The following NALCN variants were observed in gnomAD, a reference collection of about 807,000 sequenced individuals.
NALCN encodes the protein sodium leak channel, non-selective, also known as sodium leak channel NALCN.
NALCN carries 111 observed loss-of-function variants against 225.3 expected under a neutral mutation model. That is an observed-to-expected ratio of 0.49 (90% confidence interval 0.42 to 0.58). The LOEUF (loss-of-function observed/expected upper bound fraction) is 0.58, where lower values mean the gene tolerates loss of function less well. Among genes scored for constraint, NALCN ranks in the 20% least tolerant of loss-of-function variants. The pLI, the probability that NALCN is intolerant of heterozygous loss-of-function variation, is 0.00. For synonymous variants in NALCN, 764 were observed against 769.0 expected, an observed-to-expected ratio of 0.99 and a Z score of 0.11; for missense variants, 1,378 against 2,202.4, an observed-to-expected ratio of 0.63 and a Z score of 7.49.
intron 7 of NALCN, among the ~76,000 whole-genome samples, chr13:101,336,959 G>T (rs150535941): frequency 2.6e-5 from 4 of 152,036 alleles, no homozygotes; most frequent in African/African-American, 4.8e-5. Flanking sequence ...TCTTTTGCTT[G>T]CTAAGTTCTC....
intron 14 of NALCN, among the ~76,000 whole-genome samples, chr13:101,180,172 G>T (rs1207569875): frequency 6.7e-6 from 1 of 148,566 alleles, no homozygotes; most frequent in Non-Finnish European, 1.5e-5. Flanking sequence ...TTTTGTAGGG[G>T]CCCATTTAAT....
chr13:101,362,690 C>T (rs544493758), intron 6 of NALCN, among the ~76,000 whole-genome samples: 14 of 152,050 alleles, frequency 9.2e-5, no homozygotes, highest in South Asian at 4.1e-4. Context: ...AAGATCAGGA[C>T]GCCCATTTTC....
At chr13:101,355,867 A>G (rs2046043135) in intron 6 of NALCN, among the ~76,000 whole-genome samples, 1 of 152,232 alleles carries the variant, frequency 6.6e-6, no homozygotes, top group African/African-American at 2.4e-5. Context: ...CCACAGTGCA[A>G]TCAAATTAGA....
Position 101,062,037 on chromosome 13 carries a change from G to T in NALCN, c.4686C>A (p.Thr1562=), listed in dbSNP as rs778052102. 5.6e-6 allele frequency: 9 copies of T among 1,614,092 alleles called. No homozygotes were observed. The South Asian group carries it at 8.8e-5, about 16-fold the overall frequency. The change falls in exon 41 of 44, where the codon ACC becomes ACA. Residue 1562 remains threonine, a synonymous_variant. Coordinates refer to ENST00000251127, the MANE Select transcript of NALCN (RefSeq NM_052867.4). ...ELLAREQLEY[T]IEEEVAKQTI... ...TCTGCTTGGCCACCTCCTCCTCTATGGTGTACTCCAGCTGCTCCCTCGCCA... is the reference window on the plus strand; with the variant it reads ...TCTGCTTGGCCACCTCCTCCTCTATTGTGTACTCCAGCTGCTCCCTCGCCA...
intron 7 of NALCN, among the ~76,000 whole-genome samples, chr13:101,314,055 G>T (rs534545895): frequency 3.3e-5 from 5 of 150,414 alleles, no homozygotes; most frequent in African/African-American, 1.2e-4. Context: ...GCAAACTATC[G>T]CAAGGACAAA....
At chr13:101,140,215 G>A (rs1566328664) in intron 17 of NALCN, among the ~76,000 whole-genome samples, 1 of 152,122 alleles carries the variant, frequency 6.6e-6, no homozygotes, top group Non-Finnish European at 1.5e-5. Context: ...GGGATAAAAC[G>A]TGTTATTCCA....
chr13:101,116,640 A>T (rs768152991), intron 18 of NALCN: 10 of 450,210 alleles, frequency 2.2e-5, no homozygotes, highest in South Asian at 1.5e-4. Flanking sequence ...ATTTTCACTC[A>T]TTATAGAAAA....
intron 6 of NALCN, among the ~76,000 whole-genome samples, chr13:101,346,431 T>C (rs978456646): frequency 6.6e-6 from 1 of 152,132 alleles, no homozygotes; most frequent in East Asian, 1.9e-4. Context: ...CAATGTTGCA[T>C]GATGAAAATC....
At chr13:101,361,807 C>A (rs1161935699) in intron 6 of NALCN, among the ~76,000 whole-genome samples, 4 of 152,064 alleles carry the variant, frequency 2.6e-5, no homozygotes, top group Non-Finnish European at 5.9e-5. Flanking sequence ...ACATTATCTT[C>A]TTTTTGGGAA....
In NALCN at chr13:101,321,439, T is replaced by C. The variant is rs116279540; in HGVS notation, c.799+23827A>G. Among the ~76,000 whole-genome samples the C allele has an allele frequency of 4.6e-3, 694 of 152,322 alleles. 4 individuals are homozygous for C. Among genetic ancestry groups the C allele is most frequent in the African/African-American group, 0.016 (673 of 41,588 alleles). The stretch of plus-strand genomic sequence containing the variant: ...TGGCTAAAATTTACAAGTTTCATTA[T>C]ATCAAATATTGACATGCTAAGAGGA... On this transcript the variant is annotated intron_variant, in intron 7 of 43. Coordinates refer to ENST00000251127, the MANE Select transcript of NALCN (RefSeq NM_052867.4).
At chr13:101,339,766 A>G (rs558522510) in intron 7 of NALCN, among the ~76,000 whole-genome samples, 1 of 152,332 alleles carries the variant, frequency 6.6e-6, no homozygotes, top group South Asian at 2.1e-4. Context: ...ATCAAACTAG[A>G]AAATTCAATG....
chr13:101,061,474 C>T (rs1594117771), intron 41 of NALCN, among the ~76,000 whole-genome samples: 1 of 152,084 alleles, frequency 6.6e-6, no homozygotes, highest in East Asian at 1.9e-4. Context: ...TTCTACCTCC[C>T]AGGTTCAAGT....
At chr13:101,211,536 C>A (rs1225535536) in intron 13 of NALCN, among the ~76,000 whole-genome samples, 3 of 147,010 alleles carry the variant, frequency 2.0e-5, no homozygotes, top group Admixed American at 6.8e-5. Flanking sequence ...TGAGTCACCA[C>A]AAAAATAAAT....
At chr13:101,157,619 T>C (rs2037968616) in intron 15 of NALCN, among the ~76,000 whole-genome samples, 1 of 152,228 alleles carries the variant, frequency 6.6e-6, no homozygotes, top group Non-Finnish European at 1.5e-5. Flanking sequence ...CCCTAACTTT[T>C]TGGTCAACTT....
intron 13 of NALCN, among the ~76,000 whole-genome samples, chr13:101,204,564 T>G (rs1218946586): frequency 6.6e-6 from 1 of 152,120 alleles, no homozygotes; most frequent in Non-Finnish European, 1.5e-5. Context: ...CATCAGAACA[T>G]TATGCCTATT....
intron 3 of NALCN, among the ~76,000 whole-genome samples, chr13:101,393,264 C>G (rs1171482469): frequency 6.6e-6 from 1 of 152,164 alleles, no homozygotes; most frequent in Non-Finnish European, 1.5e-5. Flanking sequence ...CAGTGGATTA[C>G]CGTTTCCCAC....
intron 1 of NALCN, among the ~76,000 whole-genome samples, chr13:101,401,401 A>G (rs1298497529): frequency 6.6e-6 from 1 of 151,950 alleles, no homozygotes; most frequent in African/African-American, 2.4e-5. Context: ...GTGTAGATAC[A>G]ATCTTTTAGA....
intron 20 of NALCN, 59 bp from the exon 21 acceptor site, chr13:101,107,848 T>G: frequency 7.1e-7 from 1 of 1,406,536 alleles, no homozygotes; most frequent in Non-Finnish European, 9.6e-7. Flanking sequence ...GCAAAATATA[T>G]TATCAGTTAA....
At chr13:101,147,473 G>A (rs1214321017) in intron 15 of NALCN, among the ~76,000 whole-genome samples, 3 of 151,054 alleles carry the variant, frequency 2.0e-5, no homozygotes, top group East Asian at 3.9e-4. Context: ...TTCCTGAGTC[G>A]CTGGAATTAT....
Sources: gnomAD v4.1 joint callset for allele counts (sites outside exome capture counted in the v4.1 genomes callset) on GRCh38, gnomAD v4.1.1 for gene constraint, MANE v1.5 for transcripts, NCBI Gene and HGNC (gene_info 2026-07-23, HGNC 2026-07-21) for gene names.